CBARP: variants seen among roughly 807,000 people sequenced by gnomAD.
The protein encoded by CBARP is voltage-dependent calcium channel beta subunit-associated regulatory protein.
A neutral mutation model predicts 36.3 loss-of-function variants in CBARP; 24 were observed. The ratio of observed to expected loss-of-function variants is 0.66; its 90% CI spans 0.48 to 0.93. CBARP has a LOEUF of 0.93. Among genes scored for constraint, CBARP ranks in the 40% least tolerant of loss-of-function variants. The pLI is 0.00. For missense variants in CBARP, 1,146 were observed against 980.4 expected (o/e 1.17, Z -2.26); for synonymous variants, 586 against 453.2 (o/e 1.29, Z -3.72).
chr19:1,236,349 C>T (rs2080973244), intron 1 of CBARP, among the ~76,000 whole-genome samples: 1 of 152,230 alleles, frequency 6.6e-6, no homozygotes, highest in Non-Finnish European at 1.5e-5. Context: ...GGGAGGAGGC[C>T]TGGCCCTCTG....
intron 5 of CBARP, 109 bp from the exon 6 acceptor site, chr19:1,234,851 G>A (rs758109215): frequency 1.3e-6 from 2 of 1,513,000 alleles, no homozygotes; most frequent in Admixed American, 2.0e-5. Flanking sequence ...GGCGAAAGGG[G>A]GGCAACTGGC....
intron 9 of CBARP, chr19:1,230,899 A>T (rs2080881077): frequency 1.9e-6 from 3 of 1,560,918 alleles, no homozygotes; most frequent in Non-Finnish European, 2.6e-6. Flanking sequence ...ACCCTTACCC[A>T]GTCTCTCCCT....
chr19:1,229,537 T>C lies in CBARP; in HGVS notation c.1760A>G (p.His587Arg). Reference sequence around the variant, plus strand: ...GGCCGCGCGGGCGCCGGGGTCGCTGTGCTGCCGGCCACGCTGCCACTGTTT... The same window carrying C: ...GGCCGCGCGGGCGCCGGGGTCGCTGCGCTGCCGGCCACGCTGCCACTGTTT... The part of the protein sequence containing the change: ...ARKQWQRGRQ[H>R]SDPGARAAPA... Residue 587 changes from histidine to arginine, a missense_variant, in exon 10 of 10, where the codon CAC (histidine) becomes CGC (arginine). By Grantham distance (29) the His-to-Arg change is conservative. Transcript: ENST00000650044. This position sits in a 1 kb window ranked among gnomAD's most constrained non-coding sequence, Gnocchi z 5.1. 2 of 985,394 alleles carry C rather than the reference T, an allele frequency of 2.0e-6. No homozygotes were observed. The highest frequency in any genetic ancestry group is 2.4e-6 in the Non-Finnish European group (2 of 830,336). The allele number at this position is 985,394 out of a possible 1,614,324, so 61.0% of individuals were successfully genotyped here. A position where few individuals can be genotyped will look rare whatever the true frequency, so the allele number is the denominator to read the frequency against.
In CBARP at chr19:1,231,293, CGTAA is replaced by C; in HGVS notation, c.980-22_980-19del. ...GGGGGAACCTGCGCACGGGATGTGCCGTAAGCGTCAGCCGGCATGTGCCTCCACC... is the reference window on the plus strand; with the variant it reads ...GGGGGAACCTGCGCACGGGATGTGCCGCGTCAGCCGGCATGTGCCTCCACC... On this transcript the variant is annotated intron_variant, in intron 8 of 9. Transcript: ENST00000650044. The C allele has an allele frequency of 6.3e-7, 1 of 1,595,008 alleles. No individual in the cohort carries two copies. The highest frequency in any genetic ancestry group is 8.5e-7 in the Non-Finnish European group (1 of 1,176,926).
intron 9 of CBARP, chr19:1,230,459 T>C (rs2080875335): frequency 3.0e-6 from 3 of 995,406 alleles, no homozygotes; most frequent in Non-Finnish European, 3.6e-6. Context: ...AGCCTCCCAG[T>C]GGACGTGGGA....
In CBARP at chr19:1,229,064, G is replaced by T; in HGVS notation, c.*115C>A. 1 of 254,510 alleles carries T rather than the reference G, an allele frequency of 3.9e-6. No homozygotes were observed. The highest frequency in any genetic ancestry group is 6.1e-6 in the Non-Finnish European group (1 of 163,984). 15.8% of individuals were successfully genotyped at this position (254,510 alleles called of 1,614,324 possible). ...CCGTCGCCCGGCGCGTGCGCGAAGGGCCCGCGGTCCCCGCGCATTCGCGTC... is the reference window on the plus strand; with the variant it reads ...CCGTCGCCCGGCGCGTGCGCGAAGGTCCCGCGGTCCCCGCGCATTCGCGTC... On this transcript the variant is annotated 3_prime_UTR_variant, in exon 10 of 10. Transcript: ENST00000650044. This position sits in a 1 kb window ranked among gnomAD's most constrained non-coding sequence, Gnocchi z 5.1.
rs2080934100 is a variant in CBARP at position 1,234,348 on chromosome 19, G to A, written c.628-17C>T. On this transcript the variant is annotated splice_polypyrimidine_tract_variant and intron_variant, in intron 6 of 9. Coordinates refer to ENST00000650044, the MANE Select transcript of CBARP (RefSeq NM_001393918.1). The stretch of plus-strand genomic sequence containing the variant: ...CCCCGGGGGCTGTGGGACAGAGCCA[G>A]GTGGGGGAGGAAGCAGTGACAGGTC... 2.1e-6 allele frequency: 3 copies of A among 1,441,722 alleles called. No homozygotes were observed. Among genetic ancestry groups the A allele is most frequent in the Non-Finnish European group, 2.7e-6 (3 of 1,096,732 alleles). The allele number at this position is 1,441,722 out of a possible 1,614,324, so 89.3% of individuals were successfully genotyped here.
At chr19:1,235,684 C>A in intron 3 of CBARP, 95 bp downstream of exon 3, 1 of 1,596,384 alleles carries the variant, frequency 6.3e-7, no homozygotes, top group South Asian at 1.1e-5. Flanking sequence ...GCATAGCCCA[C>A]CCTGTGACTC....
Position 1,231,112 on chromosome 19 carries a change from A to AG in CBARP, c.1142dup (p.Ala382CysfsTer30). 6.3e-7 allele frequency: 1 copy of AG among 1,594,464 alleles called. No individual in the cohort carries two copies. Among genetic ancestry groups the AG allele is most frequent in the Non-Finnish European group, 8.6e-7 (1 of 1,169,220 alleles). On this transcript the variant is annotated frameshift_variant, in exon 9 of 10. Transcript: ENST00000650044. LOFTEE classifies it low-confidence loss of function (END_TRUNC). ...CTACTGAAAAATACCTGCCGAGAGC[A>AG]GGGGGCGGGCTGGCCAGAAAGGGGC...
intron 1 of CBARP, among the ~76,000 whole-genome samples, chr19:1,237,493 G>A (rs1404906191): frequency 6.6e-6 from 1 of 152,098 alleles, no homozygotes; most frequent in Non-Finnish European, 1.5e-5. Context: ...TGGCGAGCCA[G>A]GGGAGGCAGG....
Position 1,233,518 on chromosome 19 carries a change from C to T in CBARP, c.887G>A (p.Arg296His), listed in dbSNP as rs139424711. ...GCTGGCCCCATCCAGGCTGGCATGG[C>T]GGCGCAGGCGGGTGAGGAACTGCAG... ...TVLQFLTRLR[R>H]HASLDGASPY... Residue 296 changes from arginine to histidine, a missense_variant, in exon 8 of 10, where the codon CGC (arginine) becomes CAC (histidine). Physicochemically the swap from Arg to His is conservative, Grantham distance 29 (BLOSUM62 0). Coordinates refer to ENST00000650044, the MANE Select transcript of CBARP (RefSeq NM_001393918.1). The T allele has an allele frequency of 3.5e-4, 558 of 1,606,290 alleles. 1 individual carries two copies. The highest frequency in any genetic ancestry group is 4.5e-4 in the Non-Finnish European group (534 of 1,177,268).
At chr19:1,230,195 C>T (rs1450256274) in intron 9 of CBARP, 53 bp from the exon 10 acceptor site, 4 of 995,044 alleles carry the variant, frequency 4.0e-6, no homozygotes, top group African/African-American at 3.5e-5. Flanking sequence ...GCCCCCTACC[C>T]GGCCGGCCAT....
chr19:1,232,770 T>C (rs903981382), intron 8 of CBARP, among the ~76,000 whole-genome samples: 1 of 152,248 alleles, frequency 6.6e-6, no homozygotes, highest in Non-Finnish European at 1.5e-5. Context: ...GCATTCGTCA[T>C]GCAGCGCCTC....
At chr19:1,232,597 G>A (rs1325103460) in intron 8 of CBARP, among the ~76,000 whole-genome samples, 1 of 152,190 alleles carries the variant, frequency 6.6e-6, no homozygotes, top group Non-Finnish European at 1.5e-5. Flanking sequence ...CCTGCCTCGA[G>A]CCCAGATAAG....
chr19:1,236,837 C>CGGGGGCGGCGGCCTGGGG (rs1163892763), intron 1 of CBARP, among the ~76,000 whole-genome samples: 2 of 19,854 alleles, frequency 1.0e-4, no homozygotes, highest in Admixed American at 7.3e-4. Flanking sequence ...GGAGGGGGCG[C>CGGGGGCGGCGGCCTGGGG]GGGGGCGGCG....
rs767252575 is a variant in CBARP, at chr19:1,236,045, G to T, written c.56C>A (p.Ala19Asp). 6.5e-7 allele frequency: 1 copy of T among 1,532,706 alleles called. No homozygotes were observed. Among genetic ancestry groups the T allele is most frequent in the Non-Finnish European group, 8.8e-7 (1 of 1,140,986 alleles). 94.9% of individuals were successfully genotyped at this position (1,532,706 alleles called of 1,614,324 possible). The change falls in exon 2 of 10, where the codon GCC becomes GAC. Residue 19 changes from alanine (A) to aspartate (D), a missense_variant. Coordinates refer to ENST00000650044, the MANE Select transcript of CBARP (RefSeq NM_001393918.1). Reference protein sequence around the residue: ...TAATTTTTTTATVALTTSWDN... With the variant: ...TAATTTTTTTDTVALTTSWDN... ...CCACGACGTCGTCAGGGCTACTGTG[G>T]CAGTGGTGGTGGTGGTGGTGGTGGC...
rs954345189 is a variant in CBARP, at chr19:1,228,502, C to T, written c.*677G>A. On this transcript the variant is annotated 3_prime_UTR_variant, in exon 10 of 10. Transcript: ENST00000650044. ...CAGCGGGGCGGGCGCCGTTGACATG[C>T]GGAGGGCAGTGGGGACTCGGGGCGC... The T allele has an allele frequency of 2.1e-5, 4 of 188,528 alleles. No homozygotes were observed. Among genetic ancestry groups the T allele is most frequent in the South Asian group, 1.8e-4 (1 of 5,530 alleles). The allele number at this position is 188,528 out of a possible 1,614,324, so 11.7% of individuals were successfully genotyped here.
chr19:1,231,136 G>C lies in CBARP; in HGVS notation c.1119C>G (p.Arg373=). 1 of 1,600,892 alleles carries C rather than the reference G, an allele frequency of 6.2e-7. No individual in the cohort carries two copies. Among genetic ancestry groups the C allele is most frequent in the Non-Finnish European group, 8.5e-7 (1 of 1,173,758 alleles). ...AGDAVAFPHP[R]PFLASPPPAL... Reference sequence around the variant, plus strand: ...CAGGGGGCGGGCTGGCCAGAAAGGGGCGGGGGTGCGGGAAGGCCACGGCGT... The same window carrying C: ...CAGGGGGCGGGCTGGCCAGAAAGGGCCGGGGGTGCGGGAAGGCCACGGCGT... The change falls in exon 9 of 10, where the codon CGC becomes CGG. Residue 373 remains arginine (R), a synonymous_variant. Coordinates refer to ENST00000650044, the MANE Select transcript of CBARP (RefSeq NM_001393918.1).
chr19:1,234,761 A>G lies in CBARP; in HGVS notation c.456-19T>C, dbSNP rs1221848803. 3.7e-6 allele frequency: 6 copies of G among 1,607,778 alleles called. No homozygotes were observed. The highest frequency in any genetic ancestry group is 5.1e-6 in the Non-Finnish European group (6 of 1,177,486). Reference sequence around the variant, plus strand: ...TGTGTACCTGCGACAGCATCTGGCCATCAGAGCCCGCCCACCTCCCATGCC... The same window carrying G: ...TGTGTACCTGCGACAGCATCTGGCCGTCAGAGCCCGCCCACCTCCCATGCC... On this transcript the variant is annotated intron_variant, in intron 5 of 9. Transcript: ENST00000650044.
Sources: allele counts gnomAD v4.1 joint callset (sites outside exome capture counted in the v4.1 genomes callset), GRCh38; gene constraint gnomAD v4.1.1; non-coding constraint Gnocchi (gnomAD v3.1); transcripts MANE v1.5; gene names NCBI Gene and HGNC (gene_info 2026-07-23, HGNC 2026-07-21).